Variants in WDR20 observed in about 807,000 individuals in gnomAD.
WDR20 encodes WD repeat-containing protein 20.
In WDR20, 3 loss-of-function variants were observed where a neutral mutation model predicts 38.7. That is an observed-to-expected ratio of 0.08 (90% CI 0.04 to 0.20). WDR20 has a LOEUF of 0.20. WDR20 is among the 10% of genes least tolerant of loss of function. The pLI is 1.00. For missense variants in WDR20, 559 were observed against 727.7 expected (o/e 0.77, Z 2.67); for synonymous variants, 298 against 285.6 (o/e 1.04, Z -0.44).
rs150534981 is a variant in WDR20 at position 102,158,118 on chromosome 14, G to T, written c.249+17946G>T. ...TATAACGCCCCTCGTATACACACTCGATCCCAGTCTTGGCTAAAGTGAATC... is the reference window on the plus strand; with the variant it reads ...TATAACGCCCCTCGTATACACACTCTATCCCAGTCTTGGCTAAAGTGAATC... On this transcript the variant is annotated intron_variant, in intron 1 of 2. Transcript: ENST00000342702. 1.8e-4 allele frequency among the ~76,000 whole-genome samples: 27 copies of T among 152,116 alleles called. No individual in the cohort carries two copies. The Middle Eastern group carries it at 0.01, about 57-fold the overall frequency.
At chr14:102,143,004 C>T (rs1174203148) in intron 1 of WDR20, among the ~76,000 whole-genome samples, 2 of 151,964 alleles carry the variant, frequency 1.3e-5, no homozygotes. Flanking sequence ...AGTAGTCTAA[C>T]GTTCATGCTG....
intron 1 of WDR20, among the ~76,000 whole-genome samples, chr14:102,148,041 T>A (rs2054310135): frequency 6.6e-6 from 1 of 152,330 alleles, no homozygotes; most frequent in African/African-American, 2.4e-5. Context: ...AAGAACCTTG[T>A]TTTAAAAATA....
chr14:102,214,320 G>A (rs2062941633), downstream of WDR20: 1 of 985,472 alleles, frequency 1.0e-6, no homozygotes, highest in East Asian at 1.1e-4. Flanking sequence ...TTAACAAGGT[G>A]CACATCACAG....
At chr14:102,143,661 C>T (rs7141053) in intron 1 of WDR20, among the ~76,000 whole-genome samples, 6,781 of 151,960 alleles carry the variant, frequency 0.045, 179 homozygotes, top group Middle Eastern at 0.065. Context: ...TCTCCTCCCT[C>T]AGCCTCCCGA....
intron 1 of WDR20, among the ~76,000 whole-genome samples, chr14:102,190,691 T>C (rs2066144034): frequency 6.6e-6 from 1 of 150,666 alleles, no homozygotes; most frequent in African/African-American, 2.4e-5. Context: ...TTTTCCTACA[T>C]TGACTTGATA....
downstream of WDR20, among the ~76,000 whole-genome samples, chr14:102,216,938 A>G (rs2063292482): frequency 1.3e-5 from 2 of 152,132 alleles, no homozygotes; most frequent in Admixed American, 6.5e-5. Context: ...GTCTTAAAGA[A>G]AAAAAATAGC....
chr14:102,196,602 A>AGGATGGTACAGAATGCC (rs1356103859), intron 2 of WDR20, among the ~76,000 whole-genome samples: 1 of 152,152 alleles, frequency 6.6e-6, no homozygotes, highest in Non-Finnish European at 1.5e-5. Context: ...GCCCTGGCCG[A>AGGATGGTACAGAATGCC]GGATGGTACA....
intron 1 of WDR20, among the ~76,000 whole-genome samples, chr14:102,168,063 T>C (rs1156228851): frequency 6.6e-6 from 1 of 152,206 alleles, no homozygotes; most frequent in Non-Finnish European, 1.5e-5. Flanking sequence ...GAACAGCAGG[T>C]GGTTATTTGT....
At chr14:102,150,548 A>G (rs1023711396) in intron 1 of WDR20, among the ~76,000 whole-genome samples, 1 of 152,198 alleles carries the variant, frequency 6.6e-6, no homozygotes, top group Non-Finnish European at 1.5e-5. Flanking sequence ...TTGCTCTGCC[A>G]TGAAGCTGTT....
intron 1 of WDR20, among the ~76,000 whole-genome samples, chr14:102,156,615 C>A (rs1376209137): frequency 6.6e-6 from 1 of 151,868 alleles, no homozygotes; most frequent in African/African-American, 2.4e-5. Context: ...CTCAAGTGAC[C>A]CTTCTGCTCT....
At chr14:102,176,177 G>A (rs1029455121) in intron 1 of WDR20, among the ~76,000 whole-genome samples, 6 of 152,046 alleles carry the variant, frequency 3.9e-5, no homozygotes, top group South Asian at 2.1e-4. Flanking sequence ...GGCAGATCAC[G>A]AGGTCAGGAG....
At chr14:102,188,006 C>T (rs2065285993) in intron 1 of WDR20, among the ~76,000 whole-genome samples, 2 of 152,078 alleles carry the variant, frequency 1.3e-5, no homozygotes, top group African/African-American at 4.8e-5. Context: ...TCTGCAAGAC[C>T]GGTTCTCTCT....
intron 1 of WDR20, among the ~76,000 whole-genome samples, chr14:102,150,289 A>G (rs932867263): frequency 6.6e-6 from 1 of 152,096 alleles, no homozygotes; most frequent in Non-Finnish European, 1.5e-5. Flanking sequence ...AAGCCTGGAC[A>G]ACATAGTGAG....
chr14:102,172,964 T>A (rs2061261806), intron 1 of WDR20, among the ~76,000 whole-genome samples: 1 of 148,592 alleles, frequency 6.7e-6, no homozygotes, highest in African/African-American at 2.5e-5. Context: ...GCTCCTCACA[T>A]CCCAGACGGG....
At chr14:102,173,348 A>G (rs991457206) in intron 1 of WDR20, among the ~76,000 whole-genome samples, 4 of 147,456 alleles carry the variant, frequency 2.7e-5, no homozygotes, top group African/African-American at 9.7e-5. Context: ...TCCTGAGCTC[A>G]GACAATCCAC....
chr14:102,219,613 G>C (rs532927864), downstream of WDR20, among the ~76,000 whole-genome samples: 177 of 152,334 alleles, frequency 1.2e-3, 2 homozygotes, highest in African/African-American at 4.2e-3. Flanking sequence ...TTGCTCTGAC[G>C]GGCGGGCTCC....
upstream of WDR20, chr14:102,139,534 C>G: frequency 1.0e-6 from 1 of 953,162 alleles, no homozygotes. Context: ...GAGGCACCCT[C>G]AAGTTCACCT....
At chr14:102,193,596 G>T (rs1169991606) in intron 1 of WDR20, 1 of 1,379,922 alleles carries the variant, frequency 7.2e-7, no homozygotes, top group East Asian at 2.4e-5. Context: ...TACCGCTCAG[G>T]TCCAGACTTC....
chr14:102,196,862 C>T (rs767678713), intron 2 of WDR20, among the ~76,000 whole-genome samples: 1 of 152,200 alleles, frequency 6.6e-6, no homozygotes. Flanking sequence ...AATGCTAAGA[C>T]TGTGTGTGGT....
Sources: allele counts gnomAD v4.1 joint callset (sites outside exome capture counted in the v4.1 genomes callset), GRCh38; gene constraint gnomAD v4.1.1; transcripts MANE v1.5; gene names NCBI Gene and HGNC (gene_info 2026-07-23, HGNC 2026-07-21).